The following IRAK3 variants were observed in gnomAD, a reference collection of about 807,000 sequenced individuals.
IRAK3 encodes interleukin 1 receptor associated kinase 3.
A neutral mutation model predicts 56.6 loss-of-function variants in IRAK3; 57 were observed. The observed-to-expected ratio is 1.01, with a 90% CI of 0.81 to 1.26. IRAK3 has a LOEUF of 1.26. Among genes scored for constraint, IRAK3 ranks in the 50% most tolerant of loss-of-function variants. The probability of loss-of-function intolerance (pLI) is 0.00; values close to 1 mark genes in which losing one functional copy is unlikely to be tolerated. For synonymous variants in IRAK3, 258 were observed against 255.7 expected (o/e 1.01, Z -0.09); for missense variants, 703 against 719.0 (o/e 0.98, Z 0.25).
In IRAK3 at chr12:66,248,236, G is replaced by A; in HGVS notation, c.*65G>A. ...GGCACCTGAGCATAGGTATGACCTT[G>A]GGAAGACATTGGCTCCATAAGCAAT... On this transcript the variant is annotated 3_prime_UTR_variant, in exon 12 of 12. Transcript: ENST00000261233. 1 of 1,176,222 alleles carries A rather than the reference G, an allele frequency of 8.5e-7. No individual in the cohort carries two copies. The highest frequency in any genetic ancestry group is 1.3e-5 in the South Asian group (1 of 79,826). The allele number at this position is 1,176,222 out of a possible 1,614,324, so 72.9% of individuals were successfully genotyped here.
intron 8 of IRAK3, among the ~76,000 whole-genome samples, chr12:66,230,314 AG>A (rs2052830997): frequency 6.6e-6 from 1 of 152,158 alleles, no homozygotes; most frequent in Non-Finnish European, 1.5e-5. Flanking sequence ...GAGGTTTTTA[AG>A]GGAGGGCTCT....
At position 66,249,000 on chromosome 12, in the gene IRAK3, T is replaced by C. The variant is rs1303778274; in HGVS notation, c.*829T>C. On this transcript the variant is annotated 3_prime_UTR_variant, in exon 12 of 12. Transcript: ENST00000261233. The stretch of plus-strand genomic sequence containing the variant: ...CTGCTGTTTCTTGGATCTCCCTCTT[T>C]TGAAATCCTACCAATCATCAGAGCT... 1 of 152,258 alleles carries C rather than the reference T, an allele frequency of 6.6e-6. No individual in the cohort carries two copies. The allele number at this position is 152,258 out of a possible 1,614,324, so 9.4% of individuals were successfully genotyped here. A position where few individuals can be genotyped will look rare whatever the true frequency, so the allele number is the denominator to read the frequency against.
At chr12:66,238,593 T>C (rs1245399870) in intron 8 of IRAK3, among the ~76,000 whole-genome samples, 2 of 152,120 alleles carry the variant, frequency 1.3e-5, no homozygotes, top group Admixed American at 6.6e-5. Flanking sequence ...GCATAATTAG[T>C]GTGCAGAAAC....
chr12:66,215,756 T>C (rs953915106), intron 5 of IRAK3, among the ~76,000 whole-genome samples: 20 of 116,454 alleles, frequency 1.7e-4, no homozygotes, highest in Non-Finnish European at 2.9e-4. Context: ...CCTTCTGCTT[T>C]TATCTCCGCC....
In IRAK3 at chr12:66,211,452, T is replaced by G. The variant is rs556626340; in HGVS notation, c.443T>G (p.Leu148Arg). ...LIPEHNEKGILLKSSISFQNI... is the reference protein window; with the variant it reads ...LIPEHNEKGIRLKSSISFQNI... ...CCCTACTTTCCTTCCTAAGGAATAC[T>G]GCTTAAATCTTCCATCAGCTTTCAA... The change falls in exon 5 of 12, where the codon CTG becomes CGG. Residue 148 changes from leucine (L) to arginine (R), a missense_variant. By Grantham distance (102) the Leu-to-Arg change is moderately radical. Coordinates refer to ENST00000261233, the MANE Select transcript of IRAK3 (RefSeq NM_007199.3). The G allele has an allele frequency of 3.0e-5, 48 of 1,596,046 alleles. 3 individuals carry two copies. In the South Asian group the frequency reaches 4.6e-4, roughly 15 times the overall value.
At chr12:66,202,024 G>A (rs1407887748) in intron 1 of IRAK3, among the ~76,000 whole-genome samples, 3 of 152,188 alleles carry the variant, frequency 2.0e-5, no homozygotes, top group Non-Finnish European at 4.4e-5. Flanking sequence ...AGGGGTATGG[G>A]TTGGCAATTC....
chr12:66,227,056 C>A (rs983446943), intron 7 of IRAK3, among the ~76,000 whole-genome samples: 3 of 152,222 alleles, frequency 2.0e-5, no homozygotes, highest in East Asian at 3.9e-4. Context: ...ATTTTGGTAA[C>A]CATGTTGGGT....
chr12:66,196,886 A>C, intron 1 of IRAK3: 40 of 1,520,710 alleles, frequency 2.6e-5, no homozygotes, highest in Non-Finnish European at 3.5e-5. Flanking sequence ...ACAGTGTCTA[A>C]AAACAAGCTT....
intron 6 of IRAK3, among the ~76,000 whole-genome samples, chr12:66,223,229 G>C (rs1412654804): frequency 6.6e-6 from 1 of 152,142 alleles, no homozygotes; most frequent in Non-Finnish European, 1.5e-5. Flanking sequence ...AGTTACTTCA[G>C]GCCATCTGGA....
At chr12:66,204,078 A>G (rs929947709) in intron 2 of IRAK3, among the ~76,000 whole-genome samples, 185 bp downstream of exon 2, 4 of 152,010 alleles carry the variant, frequency 2.6e-5, no homozygotes, top group African/African-American at 9.7e-5. Context: ...TTCCCTTATC[A>G]CCTAACTTAT....
chr12:66,213,358 A>C (rs779145982), intron 5 of IRAK3, among the ~76,000 whole-genome samples: 4 of 152,134 alleles, frequency 2.6e-5, no homozygotes, highest in Non-Finnish European at 5.9e-5. Flanking sequence ...ACACAGCAAA[A>C]CCATATCAGA....
intron 1 of IRAK3, chr12:66,198,152 T>C (rs998665700): frequency 1.0e-6 from 1 of 953,762 alleles, no homozygotes; most frequent in Non-Finnish European, 1.2e-6. Context: ...GCTTCCATCT[T>C]TGCATCACCT....
Position 66,244,698 on chromosome 12 carries a change from G to A in IRAK3, c.1086+14G>A. 2 of 1,599,972 alleles carry A rather than the reference G, an allele frequency of 1.3e-6. No homozygotes were observed. Among genetic ancestry groups the A allele is most frequent in the South Asian group, 2.2e-5 (2 of 90,760 alleles). ...AGCTTTGGAATTGTGAGTACCAACT[G>A]CCAGTTAACAAAGGAGAGTTTATTG... On this transcript the variant is annotated intron_variant, in intron 9 of 11. Transcript: ENST00000261233.
intron 6 of IRAK3, among the ~76,000 whole-genome samples, chr12:66,226,355 C>T (rs572772848): frequency 6.6e-6 from 1 of 152,164 alleles, no homozygotes; most frequent in East Asian, 1.9e-4. Context: ...ATTCTCCTGC[C>T]TCAGCCTCCC....
chr12:66,226,295 G>C (rs2052785195), intron 6 of IRAK3, among the ~76,000 whole-genome samples: 2 of 151,788 alleles, frequency 1.3e-5, no homozygotes, highest in South Asian at 4.1e-4. Flanking sequence ...AGGCTGGAGG[G>C]TAGTGGTGTG....
At chr12:66,196,613 G>A (rs1318776603) in intron 1 of IRAK3, among the ~76,000 whole-genome samples, 4 of 152,208 alleles carry the variant, frequency 2.6e-5, no homozygotes, top group South Asian at 4.1e-4. Context: ...ACAGCCCTCC[G>A]CAGTTATGAG....
intron 8 of IRAK3, among the ~76,000 whole-genome samples, chr12:66,231,445 G>A (rs551020327): frequency 2.0e-5 from 3 of 152,194 alleles, no homozygotes; most frequent in Non-Finnish European, 4.4e-5. Flanking sequence ...AGAGCATTGT[G>A]TTAGACCACA....
At chr12:66,203,916 T>A in intron 2 of IRAK3, 23 bp downstream of exon 2, 1 of 1,591,358 alleles carries the variant, frequency 6.3e-7, no homozygotes, top group Non-Finnish European at 8.6e-7. Context: ...TCTTATAATG[T>A]GGCTCTTAAT....
chr12:66,206,657 A>G (rs2052560954), intron 2 of IRAK3, among the ~76,000 whole-genome samples: 3 of 152,288 alleles, frequency 2.0e-5, no homozygotes, highest in Non-Finnish European at 2.9e-5. Flanking sequence ...CTATATTTGT[A>G]AGAGGTATTG....
Sources: gnomAD v4.1 joint callset for allele counts (sites outside exome capture counted in the v4.1 genomes callset) on GRCh38, gnomAD v4.1.1 for gene constraint, MANE v1.5 for transcripts, NCBI Gene and HGNC (gene_info 2026-07-23, HGNC 2026-07-21) for gene names.